Variants in TAF9 observed in about 807,000 individuals in gnomAD.
TAF9 encodes TATA-box binding protein associated factor 9, also known as transcription initiation factor TFIID subunit 9.
A neutral mutation model predicts 16.5 loss-of-function variants in TAF9; 10 were observed. That is an observed-to-expected ratio of 0.61 (90% CI 0.37 to 1.03). The LOEUF (loss-of-function observed/expected upper bound fraction) is 1.03, where lower values mean the gene tolerates loss of function less well. Among genes scored for constraint, TAF9 ranks in the 50% least tolerant of loss-of-function variants. The pLI, the probability that TAF9 is intolerant of heterozygous loss-of-function variation, is 0.01. For synonymous variants in TAF9, 105 were observed against 120.5 expected (o/e 0.87, Z 0.84); for missense variants, 288 against 319.1 (o/e 0.90, Z 0.74).
intron 2 of TAF9, 31 bp from the exon 3 acceptor site, chr5:69,365,785 T>TA (rs777730849): frequency 1.4e-6 from 2 of 1,412,540 alleles, no homozygotes; most frequent in Non-Finnish European, 1.9e-6. Flanking sequence ...ATATGTACAT[T>TA]AGATCAATCT....
rs1474635069 is a variant in TAF9 at position 69,365,778 on chromosome 5, T to C, written c.-17-24A>G. The stretch of plus-strand genomic sequence containing the variant: ...GACTTTAGATCATTTGAAAAAAATA[T>C]GTACATTAGATCAATCTGAAATAGT... On this transcript the variant is annotated intron_variant, in intron 2 of 2. Coordinates refer to ENST00000217893, the MANE Select transcript of TAF9 (RefSeq NM_003187.5). 9.6e-6 allele frequency: 14 copies of C among 1,460,128 alleles called. No individual in the cohort carries two copies. In the East Asian group the frequency reaches 2.7e-4, roughly 29 times the overall value. 90.4% of individuals were successfully genotyped at this position (1,460,128 alleles called of 1,614,324 possible).
rs1486443900 is a variant in TAF9 at position 69,364,997 on chromosome 5, T to C, written c.741A>G (p.Lys247=). ...ANESSNALKR[K]REDDDDDDDD... ...CATCGTCATCATCATCATCTTCACG[T>C]TTTCTTTTCAATGCATTTGATGATT... The change falls in exon 3 of 3, where the codon AAA becomes AAG. Residue 247 remains lysine, a synonymous_variant. Coordinates refer to ENST00000217893, the MANE Select transcript of TAF9 (RefSeq NM_003187.5). 2 of 1,613,836 alleles carry C rather than the reference T, an allele frequency of 1.2e-6. No individual in the cohort carries two copies. The highest frequency in any genetic ancestry group is 1.7e-6 in the Non-Finnish European group (2 of 1,179,928).
chr5:69,365,635 C>A lies in TAF9; in HGVS notation c.103G>T (p.Val35Phe). 1.2e-6 allele frequency: 2 copies of A among 1,613,976 alleles called. No homozygotes were observed. Among genetic ancestry groups the A allele is most frequent in the Non-Finnish European group, 1.7e-6 (2 of 1,179,952 alleles). ...GCAAACTCCAACATCTGATTTATAACTCTTGGCTCATATTCTGTAATCCCC... is the reference window on the plus strand; with the variant it reads ...GCAAACTCCAACATCTGATTTATAAATCTTGGCTCATATTCTGTAATCCCC... ...DMGITEYEPR[V>F]INQMLEFAFR... Residue 35 changes from valine (V) to phenylalanine (F), a missense_variant, in exon 3 of 3, where the codon GTT (valine) becomes TTT (phenylalanine). Coordinates refer to ENST00000217893, the MANE Select transcript of TAF9 (RefSeq NM_003187.5).
chr5:69,369,294 C>A (rs954118188), intron 1 of TAF9, 169 bp downstream of exon 1: 3 of 614,570 alleles, frequency 4.9e-6, no homozygotes, highest in Non-Finnish European at 7.6e-6. Flanking sequence ...TCCCTCGCCT[C>A]CCGCAACGCC....
intron 2 of TAF9, among the ~76,000 whole-genome samples, chr5:69,366,282 AC>A (rs1332144644): frequency 6.6e-6 from 1 of 152,206 alleles, no homozygotes; most frequent in Non-Finnish European, 1.5e-5. Context: ...CCAACTATTC[AC>A]AAGAATTGCC....
chr5:69,369,444 C>A lies in TAF9; in HGVS notation c.-111+19G>T, dbSNP rs1330311692. On this transcript the variant is annotated intron_variant, in intron 1 of 2. Coordinates refer to ENST00000217893, the MANE Select transcript of TAF9 (RefSeq NM_003187.5). ...CCCAGCCTGCCCCAGCCCAGTCCCT[C>A]CCGGCCGCGCGCCCTGACCGGTGAG... 6.2e-7 allele frequency: 1 copy of A among 1,609,692 alleles called. No individual in the cohort carries two copies. Among genetic ancestry groups the A allele is most frequent in the Non-Finnish European group, 8.5e-7 (1 of 1,178,864 alleles).
rs1321406499 is a variant in TAF9 at position 69,369,443 on chromosome 5, T to C, written c.-111+20A>G. On this transcript the variant is annotated intron_variant, in intron 1 of 2. Coordinates refer to ENST00000217893, the MANE Select transcript of TAF9 (RefSeq NM_003187.5). The stretch of plus-strand genomic sequence containing the variant: ...CCCCAGCCTGCCCCAGCCCAGTCCC[T>C]CCCGGCCGCGCGCCCTGACCGGTGA... 5 of 1,608,502 alleles carry C rather than the reference T, an allele frequency of 3.1e-6. No homozygotes were observed. In the African/African-American group the frequency reaches 6.7e-5, roughly 22 times the overall value.
upstream of TAF9, chr5:69,369,564 G>A (rs1283831572): frequency 1.1e-5 from 17 of 1,607,948 alleles, no homozygotes; most frequent in Non-Finnish European, 1.3e-5. Flanking sequence ...GGAAGGGGCG[G>A]GCGGCAGCAA....
At chr5:69,369,312 G>C in intron 1 of TAF9, 151 bp downstream of exon 1, 1 of 594,372 alleles carries the variant, frequency 1.7e-6, no homozygotes, top group Non-Finnish European at 2.4e-6. Flanking sequence ...GCCCGCGAGG[G>C]TCGGCTCCCG....
At chr5:69,369,657 C>G (rs1762790315), upstream of TAF9, 1 of 1,559,632 alleles carries the variant, frequency 6.4e-7, no homozygotes, top group Non-Finnish European at 8.7e-7. Flanking sequence ...CACTGGTTAC[C>G]TGGCTTTCGA....
rs549714068 is a variant in TAF9 at position 69,365,036 on chromosome 5, T to C, written c.702A>G (p.Gln234=). The change falls in exon 3 of 3, where the codon CAA becomes CAG. Residue 234 remains glutamine, a synonymous_variant. Coordinates refer to ENST00000217893, the MANE Select transcript of TAF9 (RefSeq NM_003187.5). ...CATTTGATGATTCATTGGCAGTATTTTGTGATGACATCATATTAGTGGTAA... is the reference window on the plus strand; with the variant it reads ...CATTTGATGATTCATTGGCAGTATTCTGTGATGACATCATATTAGTGGTAA... ...ILITTNMMSS[Q]NTANESSNAL... 6.2e-7 allele frequency: 1 copy of C among 1,614,184 alleles called. No individual in the cohort carries two copies. Among genetic ancestry groups the C allele is most frequent in the South Asian group, 1.1e-5 (1 of 91,080 alleles).
At chr5:69,368,364 A>T (rs1048500571) in intron 1 of TAF9, among the ~76,000 whole-genome samples, 2 of 152,252 alleles carry the variant, frequency 1.3e-5, no homozygotes, top group Admixed American at 1.3e-4. Context: ...GGGATAATCC[A>T]GTTCCCATAC....
At position 69,365,381 on chromosome 5, in the gene TAF9, T is replaced by C. The variant is rs762889932; in HGVS notation, c.357A>G (p.Arg119=). 17 of 1,614,124 alleles carry C rather than the reference T, an allele frequency of 1.1e-5. No homozygotes were observed. The highest frequency in any genetic ancestry group is 1.3e-5 in the Non-Finnish European group (15 of 1,180,040). The change falls in exon 3 of 3, where the codon AGA becomes AGG. Residue 119 remains arginine, a synonymous_variant. Transcript: ENST00000217893. ...TATAGTTTGGAGCTGTTAAGCAGTA[T>C]CTATCAGGTGGCAACCTAGGACCTG... The part of the protein sequence containing the change: ...PYSGPRLPPD[R]YCLTAPNYRL...
At chr5:69,367,976 C>G (rs966696974) in intron 1 of TAF9, 5 of 152,158 alleles carry the variant, frequency 3.3e-5, no homozygotes, top group African/African-American at 1.2e-4. Context: ...ACCAGCCTGG[C>G]CAACATAATG....
At chr5:69,366,801 C>T in intron 1 of TAF9, 2 of 545,328 alleles carry the variant, frequency 3.7e-6, no homozygotes, top group South Asian at 2.2e-5. Flanking sequence ...TCTTGTCGCC[C>T]AGGCTGGAGT....
rs752724172 is a variant in TAF9 at position 69,365,026 on chromosome 5, T to C, written c.712A>G (p.Asn238Asp). 4 of 1,614,186 alleles carry C rather than the reference T, an allele frequency of 2.5e-6. No individual in the cohort carries two copies. The East Asian group carries it at 8.9e-5, about 36-fold the overall frequency. ...TNMMSSQNTANESSNALKRKR... is the reference protein window; with the variant it reads ...TNMMSSQNTADESSNALKRKR... ...CTTTTCAATGCATTTGATGATTCATTGGCAGTATTTTGTGATGACATCATA... is the reference window on the plus strand; with the variant it reads ...CTTTTCAATGCATTTGATGATTCATCGGCAGTATTTTGTGATGACATCATA... The change falls in exon 3 of 3, where the codon AAT becomes GAT. Residue 238 changes from asparagine (N) to aspartate (D), a missense_variant. Physicochemically the swap from Asn to Asp is conservative, Grantham distance 23. Transcript: ENST00000217893.
At chr5:69,367,504 C>CA (rs34070239) in intron 1 of TAF9, among the ~76,000 whole-genome samples, 5,023 of 93,908 alleles carry the variant, frequency 0.053, 179 homozygotes, top group East Asian at 0.12. Flanking sequence ...GACTCCATCT[C>CA]AAAAAAAAAA....
At chr5:69,369,611 G>A (rs747310023), upstream of TAF9, 3 of 1,579,218 alleles carry the variant, frequency 1.9e-6, no homozygotes, top group Non-Finnish European at 2.6e-6. Context: ...GCCCACCGCG[G>A]CGCCCCTAGC....
At position 69,365,609 on chromosome 5, in the gene TAF9, G is replaced by A; in HGVS notation, c.129C>T (p.Ala43=). ...PRVINQMLEF[A]FRYVTTILDD... is the part of the protein sequence containing the mutation. ...CTAGAATTGTGGTCACATATCGGAA[G>A]GCAAACTCCAACATCTGATTTATAA... is the stretch of plus-strand genomic sequence containing the variant. The change falls in exon 3 of 3, where the codon GCC becomes GCT. Residue 43 remains alanine, a synonymous_variant. Coordinates refer to ENST00000217893, the MANE Select transcript of TAF9 (RefSeq NM_003187.5). 1 of 1,614,042 alleles carries A rather than the reference G, an allele frequency of 6.2e-7. No individual in the cohort carries two copies. The highest frequency in any genetic ancestry group is 8.5e-7 in the Non-Finnish European group (1 of 1,179,998).
Sources: allele counts gnomAD v4.1 joint callset (sites outside exome capture counted in the v4.1 genomes callset), GRCh38; gene constraint gnomAD v4.1.1; transcripts MANE v1.5; gene names NCBI Gene and HGNC (gene_info 2026-07-23, HGNC 2026-07-21).